Variants in PTPN22 observed in about 807,000 individuals in gnomAD.
The protein encoded by PTPN22 is protein tyrosine phosphatase non-receptor type 22.
Under a neutral mutation model 103.3 loss-of-function variants are expected in PTPN22, and 85 were observed. That is an observed-to-expected ratio of 0.82 (90% CI 0.69 to 0.99). The LOEUF (loss-of-function observed/expected upper bound fraction) is 0.99, where lower values mean the gene tolerates loss of function less well. Among genes scored for constraint, PTPN22 ranks in the 50% least tolerant of loss-of-function variants. PTPN22 has a pLI of 0.00. For missense variants in PTPN22, 865 were observed against 936.9 expected, an observed-to-expected ratio of 0.92 and a Z score of 1.00; for synonymous variants, 323 against 310.2, an observed-to-expected ratio of 1.04 and a Z score of -0.43.
chr1:113,829,474 C>T, intron 18 of PTPN22, 118 bp downstream of exon 18: 3 of 541,428 alleles, frequency 5.5e-6, no homozygotes, highest in Non-Finnish European at 9.6e-6. Flanking sequence ...GTTATAATAT[C>T]AACAATTAGT....
At chr1:113,843,698 C>T (rs1282104439) in intron 11 of PTPN22, among the ~76,000 whole-genome samples, 1 of 152,136 alleles carries the variant, frequency 6.6e-6, no homozygotes. Context: ...TATTATACCA[C>T]AATAAAAATA....
At chr1:113,846,912 T>G (rs948831316) in intron 11 of PTPN22, among the ~76,000 whole-genome samples, 1 of 152,058 alleles carries the variant, frequency 6.6e-6, no homozygotes, top group African/African-American at 2.4e-5. Context: ...TTTCAGAAAT[T>G]TAATTATGAT....
At chr1:113,864,893 CAG>C (rs1251641783) in intron 1 of PTPN22, among the ~76,000 whole-genome samples, 7 of 149,666 alleles carry the variant, frequency 4.7e-5, no homozygotes, top group Non-Finnish European at 8.9e-5. Flanking sequence ...GCCTGGGTGA[CAG>C]AGCGAGACTC....
chr1:113,856,521 A>G, intron 6 of PTPN22, 27 bp downstream of exon 6: 9 of 1,614,198 alleles, frequency 5.6e-6, no homozygotes, highest in Non-Finnish European at 7.6e-6. Flanking sequence ...GGCTTTACTC[A>G]GACATGAGAA....
At chr1:113,856,736 C>A (rs1001715328) in intron 5 of PTPN22, 117 bp from the exon 6 acceptor site, 7 of 1,359,382 alleles carry the variant, frequency 5.1e-6, no homozygotes, top group African/African-American at 1.5e-5. Flanking sequence ...TGCGTCTAAC[C>A]CCTTTGGGCT....
In PTPN22 at chr1:113,838,158, A is replaced by G. The variant is rs189765484; in HGVS notation, c.1242T>C (p.Ser414=). The G allele has an allele frequency of 3.7e-6, 6 of 1,614,126 alleles. No homozygotes were observed. The Admixed American group carries it at 8.3e-5, about 22-fold the overall frequency. The change falls in exon 13 of 21, where the codon AGT becomes AGC. Residue 414 remains serine, a synonymous_variant. Coordinates refer to ENST00000359785, the Ensembl canonical transcript of PTPN22. ...CAAACAAAAGAGAGCCCAAATCCAA[A>G]CTTTGATGCTTCTGAAGAGGCTCCC...
At chr1:113,828,296 T>A (rs1490716290) in intron 18 of PTPN22, among the ~76,000 whole-genome samples, 2 of 152,168 alleles carry the variant, frequency 1.3e-5, no homozygotes, top group Non-Finnish European at 2.9e-5. Flanking sequence ...GCCTCCGGAT[T>A]TTGAGTAAGT....
chr1:113,830,139 A>T (rs1227304822), intron 16 of PTPN22, 110 bp from the exon 17 acceptor site: 2 of 765,104 alleles, frequency 2.6e-6, no homozygotes, highest in Non-Finnish European at 4.1e-6. Flanking sequence ...TTAGCCGACA[A>T]TCACCAAATA....
At position 113,858,470 on chromosome 1, in the gene PTPN22, A is replaced by G. The variant is rs772551636; in HGVS notation, c.369+8T>C. 40 of 1,553,846 alleles carry G rather than the reference A, an allele frequency of 2.6e-5. No homozygotes were observed. In the African/African-American group the frequency reaches 4.9e-4, roughly 19 times the overall value. On this transcript the variant is annotated splice_region_variant and intron_variant, in intron 4 of 20. Transcript: ENST00000359785. ...AGAATAAAGTAACAAAAGCAACACC[A>G]TACTTACAAGGACACTATATTCCCA... is the stretch of plus-strand genomic sequence containing the variant.
intron 18 of PTPN22, among the ~76,000 whole-genome samples, chr1:113,826,154 C>T (rs951167119): frequency 4.6e-5 from 7 of 152,028 alleles, no homozygotes; most frequent in Admixed American, 3.9e-4. Context: ...CAAGACCAGA[C>T]TGGGCAACAT....
exon 6 of PTPN22, chr1:113,856,598 C>A (rs960090191): frequency 2.3e-5 from 37 of 1,614,070 alleles, no homozygotes; most frequent in Non-Finnish European, 6.8e-6. Flanking sequence ...CCTGGCTCAG[C>A]CCAGTAGCGC....
At chr1:113,866,511 A>AAACAAC (rs374580486) in intron 1 of PTPN22, among the ~76,000 whole-genome samples, 21 of 150,920 alleles carry the variant, frequency 1.4e-4, no homozygotes, top group South Asian at 2.1e-4. Flanking sequence ...CTCCATCTCA[A>AAACAAC]AACAACAACA....
chr1:113,817,597 C>T (rs1416952491), intron 20 of PTPN22, among the ~76,000 whole-genome samples: 1 of 151,752 alleles, frequency 6.6e-6, no homozygotes, highest in East Asian at 1.9e-4. Flanking sequence ...GCCACCATGC[C>T]TGGCTAGTTC....
intron 10 of PTPN22, among the ~76,000 whole-genome samples, chr1:113,850,753 T>C (rs1328504308): frequency 6.6e-6 from 1 of 152,244 alleles, no homozygotes; most frequent in African/African-American, 2.4e-5. Context: ...TCCCTTTAAT[T>C]CACAACTTCT....
intron 10 of PTPN22, among the ~76,000 whole-genome samples, chr1:113,849,593 TA>T (rs11346694): frequency 0.14 from 17,606 of 125,078 alleles, 2,018 homozygotes; most frequent in African/African-American, 0.4. Context: ...TTTATTTATT[TA>T]TTTTTTTTTT....
chr1:113,824,233 C>G (rs1382020774), intron 19 of PTPN22, among the ~76,000 whole-genome samples: 4 of 152,072 alleles, frequency 2.6e-5, no homozygotes, highest in African/African-American at 9.7e-5. Flanking sequence ...TTCCGAGTAG[C>G]TGGGACTACA....
chr1:113,862,756 T>A (rs919262675), intron 1 of PTPN22, among the ~76,000 whole-genome samples: 2 of 152,142 alleles, frequency 1.3e-5, no homozygotes, highest in African/African-American at 2.4e-5. Flanking sequence ...TGCAAGGTAG[T>A]TCCTCAGTGC....
intron 9 of PTPN22, among the ~76,000 whole-genome samples, chr1:113,853,261 AT>A (rs1664723232): frequency 6.6e-6 from 1 of 151,976 alleles, no homozygotes; most frequent in Non-Finnish European, 1.5e-5. Flanking sequence ...TTTGATTAGA[AT>A]TGTCAACTCA....
Position 113,869,245 on chromosome 1 carries a change from T to C in PTPN22, c.87+2292A>G, listed in dbSNP as rs1666375572. On this transcript the variant is annotated intron_variant, in intron 1 of 20. Coordinates refer to ENST00000359785, the Ensembl canonical transcript of PTPN22. ...CAAAAAAAAGACCAGATTTGTATGATTAAAAGATCACTTGGGTGTTGAACT... is the reference window on the plus strand; with the variant it reads ...CAAAAAAAAGACCAGATTTGTATGACTAAAAGATCACTTGGGTGTTGAACT... Among the ~76,000 whole-genome samples the C allele has an allele frequency of 5.3e-5, 8 of 152,200 alleles. No individual in the cohort carries two copies. In the South Asian group the frequency reaches 1.5e-3, roughly 28 times the overall value.
Sources: gnomAD v4.1 joint callset for allele counts (sites outside exome capture counted in the v4.1 genomes callset) on GRCh38, gnomAD v4.1.1 for gene constraint, MANE v1.5 for transcripts, NCBI Gene and HGNC (gene_info 2026-07-23, HGNC 2026-07-21) for gene names.